MYO3A: variants seen among roughly 807,000 people sequenced by gnomAD.
The protein encoded by MYO3A is myosin-IIIa.
Under a neutral mutation model 192.7 loss-of-function variants are expected in MYO3A, and 180 were observed. The observed-to-expected ratio is 0.93, with a 90% confidence interval of 0.83 to 1.06. The LOEUF is 1.06. Ranked by LOEUF, MYO3A falls within the 50% of genes least tolerant of loss-of-function variation. The pLI is 0.00. For missense variants in MYO3A, 1,896 were observed against 1,905.0 expected, an observed-to-expected ratio of 1.00 and a Z score of 0.09; for synonymous variants, 628 against 645.3, an observed-to-expected ratio of 0.97 and a Z score of 0.41.
At chr10:26,198,625 A>G (rs1273490848) in intron 32 of MYO3A, among the ~76,000 whole-genome samples, 3 of 152,200 alleles carry the variant, frequency 2.0e-5, no homozygotes, top group African/African-American at 7.2e-5. Flanking sequence ...GCTCACCATG[A>G]TGTAATGGAT....
chr10:26,120,626 G>A (rs1192859500), intron 17 of MYO3A, 50 bp from the exon 18 acceptor site: 1 of 1,612,100 alleles, frequency 6.2e-7, no homozygotes, highest in East Asian at 2.2e-5. Flanking sequence ...GTCACTGGTT[G>A]GCTGTACTCA....
In MYO3A at chr10:26,100,247, G is replaced by C. The variant is rs949944093; in HGVS notation, c.1776+3565G>C. On this transcript the variant is annotated intron_variant, in intron 17 of 34. Coordinates refer to ENST00000642920, the MANE Select transcript of MYO3A (RefSeq NM_017433.5). ...AGTTTGTATTTCTGTGGGATTGATGGTGGTGTCCCCTTTATCATTTTTGTT... is the reference window on the plus strand; with the variant it reads ...AGTTTGTATTTCTGTGGGATTGATGCTGGTGTCCCCTTTATCATTTTTGTT... Among the ~76,000 whole-genome samples the C allele has an allele frequency of 4.6e-5, 7 of 152,128 alleles. 1 individual carries two copies. The highest frequency in any genetic ancestry group is 1.0e-4 in the Non-Finnish European group (7 of 68,018).
chr10:26,205,056 T>C (rs944451051), intron 34 of MYO3A, among the ~76,000 whole-genome samples: 2 of 152,220 alleles, frequency 1.3e-5, no homozygotes, highest in Non-Finnish European at 2.9e-5. Flanking sequence ...ACACCAAGTA[T>C]TGGCATTGCG....
At chr10:25,956,134 A>T (rs534796810) in intron 4 of MYO3A, among the ~76,000 whole-genome samples, 10 of 152,232 alleles carry the variant, frequency 6.6e-5, no homozygotes, top group African/African-American at 2.4e-4. Context: ...GCGTCTTTTT[A>T]ATAAGGATCT....
chr10:26,148,116 A>G (rs1445383708), intron 23 of MYO3A, among the ~76,000 whole-genome samples: 2 of 152,208 alleles, frequency 1.3e-5, no homozygotes, highest in Non-Finnish European at 2.9e-5. Context: ...GTAAAATTTG[A>G]TGAGTTTTTG....
chr10:26,123,790 G>A (rs1403229298), intron 18 of MYO3A, among the ~76,000 whole-genome samples: 1 of 152,128 alleles, frequency 6.6e-6, no homozygotes, highest in Non-Finnish European at 1.5e-5. Flanking sequence ...GCCAGGCGTG[G>A]TGGCGGGCAC....
At chr10:25,937,704 C>T (rs1250385168) in intron 2 of MYO3A, among the ~76,000 whole-genome samples, 3 of 150,342 alleles carry the variant, frequency 2.0e-5, no homozygotes, top group African/African-American at 7.5e-5. Context: ...TTAAGAAGTA[C>T]TTTTATCCTC....
At chr10:26,010,348 AGGAACC>A (rs144366406) in intron 6 of MYO3A, among the ~76,000 whole-genome samples, 14,259 of 152,192 alleles carry the variant, frequency 0.094, 1,166 homozygotes, top group African/African-American at 0.21. Context: ...TATAAAGTAC[AGGAACC>A]TCAAAAGATT....
At chr10:25,999,771 A>G (rs1840669222) in intron 6 of MYO3A, among the ~76,000 whole-genome samples, 1 of 152,206 alleles carries the variant, frequency 6.6e-6, no homozygotes, top group African/African-American at 2.4e-5. Flanking sequence ...AATCTGCTAC[A>G]TATAAAGAGT....
chr10:25,990,238 G>A (rs115186700), intron 4 of MYO3A, among the ~76,000 whole-genome samples: 3 of 152,042 alleles, frequency 2.0e-5, no homozygotes, highest in African/African-American at 4.8e-5. Flanking sequence ...GCCAAAGTAT[G>A]TACGGGTACA....
chr10:25,991,455 C>T (rs1463168423), intron 4 of MYO3A, among the ~76,000 whole-genome samples: 2 of 152,116 alleles, frequency 1.3e-5, no homozygotes, highest in Non-Finnish European at 2.9e-5. Flanking sequence ...TTCTCCCATT[C>T]TGTAGGATGC....
chr10:26,206,440 A>T (rs117502900), intron 34 of MYO3A, among the ~76,000 whole-genome samples: 2,602 of 146,850 alleles, frequency 0.018, 39 homozygotes, highest in Non-Finnish European at 0.024. Context: ...TTATTTTATT[A>T]TATTATTTAT....
At chr10:26,209,430 G>A (rs1844122475) in intron 34 of MYO3A, among the ~76,000 whole-genome samples, 1 of 152,122 alleles carries the variant, frequency 6.6e-6, no homozygotes, top group Non-Finnish European at 1.5e-5. Context: ...CTTCAGTATA[G>A]TAAATGAATA....
At chr10:25,999,852 T>G (rs1451644740) in intron 6 of MYO3A, among the ~76,000 whole-genome samples, 1 of 152,200 alleles carries the variant, frequency 6.6e-6, no homozygotes, top group Non-Finnish European at 1.5e-5. Flanking sequence ...TCCTCGAGTC[T>G]TCCCTTGTTT....
At chr10:26,073,689 G>C (rs1835358988) in intron 14 of MYO3A, among the ~76,000 whole-genome samples, 1 of 151,926 alleles carries the variant, frequency 6.6e-6, no homozygotes, top group South Asian at 2.1e-4. Flanking sequence ...TTTAGATGAA[G>C]CTCAAATGCA....
chr10:25,961,198 T>G (rs1274249056), intron 4 of MYO3A, among the ~76,000 whole-genome samples: 1 of 152,170 alleles, frequency 6.6e-6, no homozygotes, highest in African/African-American at 2.4e-5. Context: ...AAGTGGAGAT[T>G]CAGGTATTCT....
intron 20 of MYO3A, among the ~76,000 whole-genome samples, chr10:26,132,344 T>C (rs1839588084): frequency 6.6e-6 from 1 of 152,216 alleles, no homozygotes; most frequent in African/African-American, 2.4e-5. Flanking sequence ...GTGGTTTTTG[T>C]CCTTTGTCTT....
At chr10:26,028,810 G>A (rs1246495134) in intron 10 of MYO3A, among the ~76,000 whole-genome samples, 2 of 152,168 alleles carry the variant, frequency 1.3e-5, no homozygotes, top group African/African-American at 4.8e-5. Flanking sequence ...GCCCCCTAGA[G>A]TCCTAGGGGA....
chr10:26,183,878 CAA>C (rs1461636214), intron 31 of MYO3A, among the ~76,000 whole-genome samples: 4 of 152,082 alleles, frequency 2.6e-5, no homozygotes, highest in African/African-American at 4.8e-5. Flanking sequence ...CAAATAAACT[CAA>C]GAGAACAGAG....
Sources: allele counts gnomAD v4.1 joint callset (sites outside exome capture counted in the v4.1 genomes callset), GRCh38; gene constraint gnomAD v4.1.1; transcripts MANE v1.5; gene names NCBI Gene and HGNC (gene_info 2026-07-23, HGNC 2026-07-21).